BNC2: variants seen among roughly 807,000 people sequenced by gnomAD.
BNC2 encodes zinc finger protein basonuclin-2.
A neutral mutation model predicts 76.3 loss-of-function variants in BNC2; 20 were observed. The observed-to-expected ratio is 0.26, with a 90% CI of 0.18 to 0.38. BNC2 has a LOEUF of 0.38. Ranked by LOEUF, BNC2 falls within the 10% of genes least tolerant of loss-of-function variation. The pLI is 1.00. For synonymous variants in BNC2, 582 were observed against 514.8 expected (o/e 1.13, Z -1.77); for missense variants, 1,382 against 1,399.8 (o/e 0.99, Z 0.20).
chr9:16,534,556 C>T (rs1484571728), intron 5 of BNC2, among the ~76,000 whole-genome samples: 2 of 151,986 alleles, frequency 1.3e-5, no homozygotes, highest in African/African-American at 4.8e-5. Context: ...GCATGTTTGT[C>T]TTCTGGAAAC....
chr9:16,647,612 C>A (rs1213140824), intron 3 of BNC2, among the ~76,000 whole-genome samples: 1 of 152,044 alleles, frequency 6.6e-6, no homozygotes, highest in African/African-American at 2.4e-5. Flanking sequence ...GATCCAAGTG[C>A]AACCATGATG....
intron 1 of BNC2, among the ~76,000 whole-genome samples, chr9:16,763,491 G>A (rs1170724419): frequency 6.6e-6 from 1 of 152,000 alleles, no homozygotes; most frequent in Non-Finnish European, 1.5e-5. Context: ...GATCACTTGA[G>A]CCCAGGAGGT....
At chr9:16,543,052 G>A (rs1055926710) in intron 5 of BNC2, among the ~76,000 whole-genome samples, 1 of 151,984 alleles carries the variant, frequency 6.6e-6, no homozygotes, top group Non-Finnish European at 1.5e-5. Flanking sequence ...CAAATTGGGG[G>A]AAATACTAGA....
At chr9:16,793,209 T>C (rs2135682018) in intron 1 of BNC2, among the ~76,000 whole-genome samples, 1 of 152,360 alleles carries the variant, frequency 6.6e-6, no homozygotes, top group Non-Finnish European at 1.5e-5. Context: ...AATGTTTTTT[T>C]AGACTATTTC....
chr9:16,535,957 C>A (rs988695011), intron 5 of BNC2, among the ~76,000 whole-genome samples: 1 of 152,034 alleles, frequency 6.6e-6, no homozygotes, highest in African/African-American at 2.4e-5. Context: ...CCAGTTATCT[C>A]CACTGCCCCA....
intron 1 of BNC2, among the ~76,000 whole-genome samples, chr9:16,744,619 C>T (rs912515761): frequency 6.6e-6 from 1 of 152,178 alleles, no homozygotes; most frequent in East Asian, 1.9e-4. Context: ...AGGAAGGGAT[C>T]ATCACTCAGG....
intron 2 of BNC2, among the ~76,000 whole-genome samples, chr9:16,732,334 T>G (rs750778355): frequency 3.0e-4 from 46 of 152,078 alleles, no homozygotes; most frequent in Non-Finnish European, 6.0e-4. Context: ...CTACTTAATT[T>G]CTTTAAAAGC....
intron 2 of BNC2, among the ~76,000 whole-genome samples, chr9:16,734,421 T>G (rs1824604645): frequency 6.8e-6 from 1 of 147,138 alleles, no homozygotes; most frequent in African/African-American, 2.5e-5. Context: ...TTGTGTCATC[T>G]CTGATTGCCA....
intron 4 of BNC2, among the ~76,000 whole-genome samples, chr9:16,572,606 T>C (rs1227213741): frequency 6.6e-6 from 1 of 151,918 alleles, no homozygotes; most frequent in East Asian, 1.9e-4. Flanking sequence ...CTCAGCAAAG[T>C]GTATTGAGAA....
intron 1 of BNC2, among the ~76,000 whole-genome samples, chr9:16,771,659 A>G (rs1825836627): frequency 6.6e-6 from 1 of 152,250 alleles, no homozygotes; most frequent in Non-Finnish European, 1.5e-5. Context: ...GCCTCACTCC[A>G]AAGGACATTC....
chr9:16,518,070 A>T (rs2132029572), intron 5 of BNC2, among the ~76,000 whole-genome samples: 1 of 152,360 alleles, frequency 6.6e-6, no homozygotes, highest in Non-Finnish European at 1.5e-5. Flanking sequence ...GTGTGTATTC[A>T]TTTTCTATTA....
chr9:16,777,119 C>A (rs939769433), intron 1 of BNC2, among the ~76,000 whole-genome samples: 4 of 151,156 alleles, frequency 2.6e-5, no homozygotes, highest in Admixed American at 2.6e-4. Flanking sequence ...GAGTGAGACT[C>A]CTGTCTCAAA....
At chr9:16,597,244 G>A (rs1243965495) in intron 3 of BNC2, among the ~76,000 whole-genome samples, 1 of 152,112 alleles carries the variant, frequency 6.6e-6, no homozygotes, top group Non-Finnish European at 1.5e-5. Flanking sequence ...TTTAAAAAGA[G>A]CCTTACTGGT....
In BNC2 at chr9:16,727,984, T is replaced by C; in HGVS notation, c.143A>G (p.Glu48Gly). The C allele has an allele frequency of 6.2e-7, 1 of 1,613,794 alleles. No individual in the cohort carries two copies. Among genetic ancestry groups the C allele is most frequent in the Non-Finnish European group, 8.5e-7 (1 of 1,179,998 alleles). Residue 48 changes from glutamate to glycine, a missense_variant, in exon 3 of 7, where the codon GAA (glutamate) becomes GGA (glycine). Glu to Gly is a moderately conservative substitution (Grantham distance 98). Around this residue, in one of 3 missense-constraint regions of BNC2, gnomAD observed 557 missense variants for 540.9 expected, o/e 1.03. Transcript: ENST00000380672. ...TGTCTCTCTTTCTCTCACATCCACT[T>C]CTGCCTCTTCTGACTGAAAAGTGAA... ...DTSQIESEEAEVDVRERETQR... is the reference protein window; with the variant it reads ...DTSQIESEEAGVDVRERETQR...
chr9:16,525,233 G>C (rs1006579311), intron 5 of BNC2, among the ~76,000 whole-genome samples: 1 of 151,844 alleles, frequency 6.6e-6, no homozygotes, highest in East Asian at 1.9e-4. Flanking sequence ...CAATCAAAAG[G>C]TAATAAAACC....
chr9:16,737,930 T>C (rs1249099440), intron 2 of BNC2, among the ~76,000 whole-genome samples: 1 of 152,152 alleles, frequency 6.6e-6, no homozygotes, highest in African/African-American at 2.4e-5. Flanking sequence ...TATCAGGCTA[T>C]ACACTTTTAT....
intron 2 of BNC2, among the ~76,000 whole-genome samples, chr9:16,734,218 A>T (rs1226382925): frequency 6.6e-6 from 1 of 152,196 alleles, no homozygotes; most frequent in Non-Finnish European, 1.5e-5. Context: ...ACTGGATCTA[A>T]CCTAGTGCCT....
chr9:16,710,343 A>G (rs1351687773), intron 3 of BNC2, among the ~76,000 whole-genome samples: 3 of 152,256 alleles, frequency 2.0e-5, no homozygotes, highest in Non-Finnish European at 4.4e-5. Flanking sequence ...TTGAAAATAA[A>G]TATTAGAGAT....
intron 1 of BNC2, chr9:16,832,220 A>C: frequency 8.6e-7 from 1 of 1,169,284 alleles, no homozygotes; most frequent in Non-Finnish European, 1.1e-6. Context: ...GAAAAATATG[A>C]AACTATTACA....
Sources: allele counts gnomAD v4.1 joint callset (sites outside exome capture counted in the v4.1 genomes callset), GRCh38; gene constraint gnomAD v4.1.1; regional missense constraint gnomAD v4.1.1; transcripts MANE v1.5; gene names NCBI Gene and HGNC (gene_info 2026-07-23, HGNC 2026-07-21).